Variants in GRM7 observed in about 807,000 individuals in gnomAD.
GRM7 encodes glutamate metabotropic receptor 7, also known as metabotropic glutamate receptor 7.
In GRM7, 35 loss-of-function variants were observed where a neutral mutation model predicts 84.5. The ratio of observed to expected loss-of-function variants is 0.41; its 90% CI spans 0.32 to 0.55. The LOEUF (loss-of-function observed/expected upper bound fraction) is 0.55. Among genes scored for constraint, GRM7 ranks in the 20% least tolerant of loss-of-function variants. The probability of loss-of-function intolerance (pLI) is 0.19; values close to 1 mark genes in which losing one functional copy is unlikely to be tolerated. For synonymous variants in GRM7, 487 were observed against 455.1 expected, an observed-to-expected ratio of 1.07 and a Z score of -0.89; for missense variants, 1,003 against 1,194.6, an observed-to-expected ratio of 0.84 and a Z score of 2.36.
chr3:6,905,038 C>A (rs949145471), intron 1 of GRM7, among the ~76,000 whole-genome samples: 1 of 152,068 alleles, frequency 6.6e-6, no homozygotes, highest in Non-Finnish European at 1.5e-5. Context: ...TCTTAATATC[C>A]GGCAGGGCAA....
At chr3:7,171,289 T>C (rs1214445739) in intron 2 of GRM7, among the ~76,000 whole-genome samples, 1 of 152,132 alleles carries the variant, frequency 6.6e-6, no homozygotes, top group Non-Finnish European at 1.5e-5. Flanking sequence ...TGTGTCCAAA[T>C]GTCCCCCTTT....
chr3:7,284,304 GTGTGTGTGTATA>G (rs1313714776), intron 2 of GRM7, among the ~76,000 whole-genome samples: 2 of 127,426 alleles, frequency 1.6e-5, no homozygotes, highest in Admixed American at 9.6e-5. Flanking sequence ...GTGTGTGTGT[GTGTGTGTGTATA>G]TACATGAGCT....
chr3:7,121,877 G>T (rs1376385361), intron 1 of GRM7, among the ~76,000 whole-genome samples: 1 of 152,172 alleles, frequency 6.6e-6, no homozygotes, highest in African/African-American at 2.4e-5. Context: ...GGCCATGAGA[G>T]CAGAGCTCTC....
intron 2 of GRM7, among the ~76,000 whole-genome samples, chr3:7,282,716 T>C (rs1228875083): frequency 6.6e-6 from 1 of 152,176 alleles, no homozygotes; most frequent in East Asian, 1.9e-4. Flanking sequence ...CTAATTAAGA[T>C]TGTGTTTTTT....
At chr3:7,038,506 T>TTAAG (rs1251968897) in intron 1 of GRM7, among the ~76,000 whole-genome samples, 2 of 152,142 alleles carry the variant, frequency 1.3e-5, no homozygotes, top group Non-Finnish European at 2.9e-5. Context: ...ATCCTCAGCT[T>TTAAG]TAAGTGTCAG....
chr3:7,241,316 ACTGT>A (rs1236903195), intron 2 of GRM7, among the ~76,000 whole-genome samples: 1 of 152,172 alleles, frequency 6.6e-6, no homozygotes, highest in East Asian at 1.9e-4. Context: ...GGTAGTGGTC[ACTGT>A]CTGCGTTGTC....
intron 1 of GRM7, among the ~76,000 whole-genome samples, chr3:7,104,907 A>G (rs958208934): frequency 6.6e-6 from 1 of 151,832 alleles, no homozygotes; most frequent in African/African-American, 2.4e-5. Flanking sequence ...TCAATATAAT[A>G]CAATATAATA....
intron 4 of GRM7, among the ~76,000 whole-genome samples, chr3:7,398,569 A>G (rs34574005): frequency 0.11 from 16,886 of 151,998 alleles, 1,048 homozygotes; most frequent in South Asian, 0.26. Flanking sequence ...TTTAAAGGCA[A>G]TTGGAGAAAA....
intron 7 of GRM7, among the ~76,000 whole-genome samples, chr3:7,521,459 C>A (rs1364577181): frequency 6.6e-6 from 1 of 152,122 alleles, no homozygotes; most frequent in African/African-American, 2.4e-5. Context: ...AAGGAAGATC[C>A]CTTGCCCCTT....
At chr3:7,015,818 A>G (rs1464274759) in intron 1 of GRM7, among the ~76,000 whole-genome samples, 1 of 152,186 alleles carries the variant, frequency 6.6e-6, no homozygotes, top group Non-Finnish European at 1.5e-5. Context: ...AAGTGATGTA[A>G]GAGAGAGCAA....
chr3:7,741,082 A>G lies in GRM7; in HGVS notation c.*676A>G, dbSNP rs1167450366. 1.3e-5 allele frequency: 2 copies of G among 152,514 alleles called. No individual in the cohort carries two copies. Among genetic ancestry groups the G allele is most frequent in the African/African-American group, 4.8e-5 (2 of 41,398 alleles). 9.4% of individuals were successfully genotyped at this position (152,514 alleles called of 1,614,324 possible). A position where few individuals can be genotyped will look rare whatever the true frequency, so the allele number is the denominator to read the frequency against. On this transcript the variant is annotated 3_prime_UTR_variant, in exon 10 of 10. Transcript: ENST00000357716. ...AAAGTATGCCCCACCTATCTTTGGTATATGATAGGTTACATAAAAGGAAGG... is the reference window on the plus strand; with the variant it reads ...AAAGTATGCCCCACCTATCTTTGGTGTATGATAGGTTACATAAAAGGAAGG...
chr3:7,636,341 C>T (rs938073355), intron 8 of GRM7: 30 of 456,078 alleles, frequency 6.6e-5, no homozygotes, highest in Middle Eastern at 6.5e-4. Flanking sequence ...TAAATGAAGA[C>T]GGGGCCTCTG....
chr3:7,446,309 T>A lies in GRM7; in HGVS notation c.1175-6298T>A, dbSNP rs568617497. Among the ~76,000 whole-genome samples, 8 of 152,350 alleles carry A rather than the reference T, an allele frequency of 5.3e-5. No individual in the cohort carries two copies. The East Asian group carries it at 1.5e-3, about 29-fold the overall frequency. On this transcript the variant is annotated intron_variant, in intron 5 of 9. Transcript: ENST00000357716. Reference sequence around the variant, plus strand: ...CACATGAGAAGCCTTATGCTGGTTGTTCAGATCTGCTGAATCTTTCTGGCA... The same window carrying A: ...CACATGAGAAGCCTTATGCTGGTTGATCAGATCTGCTGAATCTTTCTGGCA...
intron 9 of GRM7, 139 bp downstream of exon 9, chr3:7,680,434 T>C: frequency 1.3e-6 from 1 of 785,508 alleles, no homozygotes; most frequent in Admixed American, 2.7e-5. Context: ...AATGCCAGCT[T>C]CTGCTCTTTT....
chr3:7,412,225 G>C (rs868676620), intron 4 of GRM7, among the ~76,000 whole-genome samples: 2 of 152,090 alleles, frequency 1.3e-5, no homozygotes, highest in Non-Finnish European at 2.9e-5. Context: ...TGAAGCCTTG[G>C]GTGCCCCCTG....
At chr3:7,385,702 A>C (rs148488123) in intron 4 of GRM7, among the ~76,000 whole-genome samples, 136 of 152,372 alleles carry the variant, frequency 8.9e-4, no homozygotes, top group African/African-American at 3.3e-3. Context: ...AAAAATAAGT[A>C]GTAACTTTAA....
intron 9 of GRM7, among the ~76,000 whole-genome samples, chr3:7,716,234 A>C (rs1157694716): frequency 2.0e-5 from 3 of 152,132 alleles, no homozygotes; most frequent in African/African-American, 4.8e-5. Context: ...AATGGCACAC[A>C]AGCTGTCTCC....
rs906616946 is a variant in GRM7, at chr3:7,151,047, A to G, written c.736+4379A>G. Among the ~76,000 whole-genome samples, 2 of 152,196 alleles carry G rather than the reference A, an allele frequency of 1.3e-5. No homozygotes were observed. The highest frequency in any genetic ancestry group is 4.8e-5 in the African/African-American group (2 of 41,440). On this transcript the variant is annotated intron_variant, in intron 2 of 9. Transcript: ENST00000357716. This position sits in a 1 kb window ranked among gnomAD's most constrained non-coding sequence, Gnocchi z 4.5. ...AAGATCTATCCATTTGATATTTTACAGTGATCACTTAACATAGTTGTATTT... is the reference window on the plus strand; with the variant it reads ...AAGATCTATCCATTTGATATTTTACGGTGATCACTTAACATAGTTGTATTT...
At chr3:7,554,739 G>A (rs903878442) in intron 7 of GRM7, among the ~76,000 whole-genome samples, 1 of 152,166 alleles carries the variant, frequency 6.6e-6, no homozygotes, top group African/African-American at 2.4e-5. Flanking sequence ...CTGCCATTTT[G>A]AGGGCCTCCT....
Sources: gnomAD v4.1 joint callset for allele counts (sites outside exome capture counted in the v4.1 genomes callset) on GRCh38, gnomAD v4.1.1 for gene constraint, Gnocchi (gnomAD v3.1) non-coding constraint, MANE v1.5 for transcripts, NCBI Gene and HGNC (gene_info 2026-07-23, HGNC 2026-07-21) for gene names.